The following TAF3 variants were observed in gnomAD, a reference collection of about 807,000 sequenced individuals.
TAF3 encodes the protein transcription initiation factor TFIID subunit 3.
A neutral mutation model predicts 80.6 loss-of-function variants in TAF3; 7 were observed. The observed-to-expected ratio is 0.09, with a 90% CI of 0.05 to 0.16. The LOEUF (loss-of-function observed/expected upper bound fraction) is 0.16, where lower values mean the gene tolerates loss of function less well. Among genes scored for constraint, TAF3 ranks in the 10% least tolerant of loss-of-function variants. TAF3 has a pLI of 1.00. For synonymous variants in TAF3, 444 were observed against 446.1 expected, an observed-to-expected ratio of 1.00 and a Z score of 0.06; for missense variants, 921 against 1,140.2, an observed-to-expected ratio of 0.81 and a Z score of 2.77.
chr10:7,936,154 C>T (rs1377335128), intron 2 of TAF3, among the ~76,000 whole-genome samples: 2 of 152,268 alleles, frequency 1.3e-5, no homozygotes, highest in African/African-American at 2.4e-5. Flanking sequence ...GGAAGACGGG[C>T]CCTGAAGACA....
chr10:8,006,835 G>A (rs1376524561), intron 4 of TAF3, among the ~76,000 whole-genome samples: 5 of 152,196 alleles, frequency 3.3e-5, no homozygotes, highest in Non-Finnish European at 1.5e-5. Context: ...AACATGGCAC[G>A]GGGCCGGCAG....
chr10:7,837,702 G>A (rs148073025), intron 2 of TAF3, among the ~76,000 whole-genome samples: 1,028 of 152,134 alleles, frequency 6.8e-3, no homozygotes, highest in Middle Eastern at 0.02. Flanking sequence ...GAGAGGCTGA[G>A]GTGGTGTAAG....
intron 2 of TAF3, among the ~76,000 whole-genome samples, chr10:7,955,458 G>A (rs1838125896): frequency 6.6e-6 from 1 of 152,184 alleles, no homozygotes; most frequent in South Asian, 2.1e-4. Flanking sequence ...ATAGCATTTT[G>A]TTGTTCCTTT....
chr10:8,014,820 TG>T lies in TAF3; in HGVS notation c.*71del. ...TTCCCTGGCGCCTCTGGAAGGGAGC[TG>T]GTGCAAGTCTGCCGTCACATCCACC... On this transcript the variant is annotated 3_prime_UTR_variant, in exon 7 of 7. Transcript: ENST00000344293. 1.4e-6 allele frequency: 2 copies of T among 1,385,766 alleles called. No individual in the cohort carries two copies. Among genetic ancestry groups the T allele is most frequent in the Non-Finnish European group, 9.8e-7 (1 of 1,015,916 alleles). The allele number at this position is 1,385,766 out of a possible 1,614,324, so 85.8% of individuals were successfully genotyped here.
At chr10:7,835,182 T>TA (rs768489286) in intron 2 of TAF3, among the ~76,000 whole-genome samples, 2 of 152,096 alleles carry the variant, frequency 1.3e-5, no homozygotes, top group Non-Finnish European at 2.9e-5. Context: ...TGGCCACACA[T>TA]AAAATACACT....
rs777442866 is a variant in TAF3, at chr10:7,964,550, C to T, written c.1040C>T (p.Thr347Ile). 1.9e-6 allele frequency: 3 copies of T among 1,613,806 alleles called. No homozygotes were observed. In the African/African-American group the frequency reaches 4.0e-5, roughly 22 times the overall value. Reference protein sequence around the residue: ...PETPNRTPSATLSEKISKETI... With the variant: ...PETPNRTPSAILSEKISKETI... ...ACGCCCAACAGGACTCCTTCAGCTA[C>T]ACTCAGTGAAAAAATCAGTAAAGAG... Residue 347 changes from threonine (T) to isoleucine (I), a missense_variant, in exon 3 of 7, where the codon ACA (threonine) becomes ATA (isoleucine). Physicochemically the swap from Thr to Ile is moderately conservative, Grantham distance 89. Coordinates refer to ENST00000344293, the MANE Select transcript of TAF3 (RefSeq NM_031923.4). This position sits in a 1 kb window ranked among gnomAD's most constrained non-coding sequence, Gnocchi z 4.1.
intron 2 of TAF3, among the ~76,000 whole-genome samples, chr10:7,927,958 T>G (rs1837830860): frequency 8.4e-6 from 1 of 118,422 alleles, no homozygotes; most frequent in Non-Finnish European, 1.9e-5. Flanking sequence ...TGGACATTGT[T>G]TTTTTGCTCC....
chr10:7,956,166 T>C (rs904566948), intron 2 of TAF3, among the ~76,000 whole-genome samples: 2 of 152,172 alleles, frequency 1.3e-5, no homozygotes, highest in African/African-American at 2.4e-5. Context: ...CTTACAACTT[T>C]TCTACGTTTG....
chr10:7,995,386 TGC>T (rs1364954175), intron 4 of TAF3, among the ~76,000 whole-genome samples: 1 of 152,236 alleles, frequency 6.6e-6, no homozygotes, highest in Non-Finnish European at 1.5e-5. Flanking sequence ...AGAGAAGTCT[TGC>T]TTTCATGCCT....
intron 4 of TAF3, among the ~76,000 whole-genome samples, chr10:8,006,677 G>C (rs1831997224): frequency 6.6e-6 from 1 of 152,208 alleles, no homozygotes; most frequent in Non-Finnish European, 1.5e-5. Context: ...AGTTTTTGAA[G>C]TAACTTAATG....
At chr10:7,913,920 TG>T (rs768135486) in intron 2 of TAF3, among the ~76,000 whole-genome samples, 59 of 152,212 alleles carry the variant, frequency 3.9e-4, no homozygotes, top group Admixed American at 2.0e-4. Flanking sequence ...ATCCAGAATG[TG>T]ATATTCTGCC....
intron 4 of TAF3, among the ~76,000 whole-genome samples, chr10:8,003,459 G>T (rs4749477): frequency 0.11 from 17,197 of 152,186 alleles, 1,262 homozygotes; most frequent in East Asian, 0.24. Flanking sequence ...TTATAAGTCA[G>T]TGAACCAGTA....
chr10:7,934,111 C>T (rs537937436), intron 2 of TAF3, among the ~76,000 whole-genome samples: 1 of 152,318 alleles, frequency 6.6e-6, no homozygotes, highest in Non-Finnish European at 1.5e-5. Flanking sequence ...ATTCTGACAA[C>T]TCAAGGTTGA....
At chr10:7,930,312 A>G (rs770654998) in intron 2 of TAF3, among the ~76,000 whole-genome samples, 3 of 152,220 alleles carry the variant, frequency 2.0e-5, no homozygotes, top group Non-Finnish European at 2.9e-5. Flanking sequence ...AAAAAGAGAA[A>G]TACTTACTTG....
At chr10:7,839,853 C>A (rs1836892976) in intron 2 of TAF3, among the ~76,000 whole-genome samples, 1 of 152,298 alleles carries the variant, frequency 6.6e-6, no homozygotes, top group South Asian at 2.1e-4. Context: ...TTCAGGCCAG[C>A]AAGATTTAGC....
intron 2 of TAF3, among the ~76,000 whole-genome samples, chr10:7,938,112 T>TA (rs140647092): frequency 2.4e-3 from 359 of 152,344 alleles, no homozygotes; most frequent in African/African-American, 8.1e-3. Flanking sequence ...AAATAAAACT[T>TA]AGAGTCCTAT....
intron 2 of TAF3, among the ~76,000 whole-genome samples, chr10:7,899,954 G>A (rs1043874038): frequency 1.1e-4 from 17 of 152,194 alleles, no homozygotes; most frequent in African/African-American, 4.1e-4. Flanking sequence ...TTGAACTACA[G>A]TGAAGATTGC....
chr10:7,840,187 C>G (rs1215227802), intron 2 of TAF3, among the ~76,000 whole-genome samples: 1 of 149,828 alleles, frequency 6.7e-6, no homozygotes, highest in Admixed American at 6.7e-5. Flanking sequence ...GAGTCTCACA[C>G]TGTCACCCGG....
intron 2 of TAF3, among the ~76,000 whole-genome samples, chr10:7,838,477 G>T (rs1836874740): frequency 6.6e-6 from 1 of 152,222 alleles, no homozygotes; most frequent in South Asian, 2.1e-4. Context: ...TGCCTCCCGG[G>T]TTTGAGCGAT....
Sources: gnomAD v4.1 joint callset for allele counts (sites outside exome capture counted in the v4.1 genomes callset) on GRCh38, gnomAD v4.1.1 for gene constraint, Gnocchi (gnomAD v3.1) non-coding constraint, MANE v1.5 for transcripts, NCBI Gene and HGNC (gene_info 2026-07-23, HGNC 2026-07-21) for gene names.